The following IFI35 variants were observed in gnomAD, a reference collection of about 807,000 sequenced individuals.
IFI35 encodes interferon induced protein 35, also known as interferon-induced 35 kDa protein.
A neutral mutation model predicts 28.6 loss-of-function variants in IFI35; 30 were observed. That is an observed-to-expected ratio of 1.05 (90% CI 0.79 to 1.43). The LOEUF (loss-of-function observed/expected upper bound fraction) is 1.43, where lower values mean the gene tolerates loss of function less well. Among genes scored for constraint, IFI35 ranks in the 40% most tolerant of loss-of-function variants. The pLI is 0.00. For synonymous variants in IFI35, 146 were observed against 154.8 expected (o/e 0.94, Z 0.42); for missense variants, 372 against 356.9 (o/e 1.04, Z -0.34).
rs1410196492 is a variant in IFI35 at position 43,013,670 on chromosome 17, C to T, written c.562+8C>T. The T allele has an allele frequency of 1.2e-6, 2 of 1,613,438 alleles. No individual in the cohort carries two copies. The highest frequency in any genetic ancestry group is 1.7e-6 in the Non-Finnish European group (2 of 1,179,624). On this transcript the variant is annotated splice_region_variant and intron_variant, in intron 5 of 6. Transcript: ENST00000415816. Reference sequence around the variant, plus strand: ...GGTTTGCTAGGGATGGAGGTGAGGGCTATGCAGGCCTCCTGCAGGGGAGAG... The same window carrying T: ...GGTTTGCTAGGGATGGAGGTGAGGGTTATGCAGGCCTCCTGCAGGGGAGAG...
intron 1 of IFI35, among the ~76,000 whole-genome samples, chr17:43,011,180 T>C (rs979866395): frequency 6.6e-6 from 1 of 152,208 alleles, no homozygotes; most frequent in Non-Finnish European, 1.5e-5. Flanking sequence ...CAAATGACTT[T>C]GGGCAAGTCA....
chr17:43,013,555 T>G lies in IFI35; in HGVS notation c.455T>G (p.Leu152Arg), dbSNP rs779686162. The G allele has an allele frequency of 5.5e-5, 89 of 1,614,128 alleles. No individual in the cohort carries two copies. Among genetic ancestry groups the G allele is most frequent in the Non-Finnish European group, 7.4e-5 (87 of 1,180,010 alleles). The change falls in exon 5 of 7, where the codon CTG becomes CGG. Residue 152 changes from leucine to arginine, a missense_variant. Coordinates refer to ENST00000415816, the MANE Select transcript of IFI35 (RefSeq NM_001330230.2). ...ASLRLSEEEL[L>R]DKLEIFFGKT... ...CTCAGGCTGAGTGAGGAGGAGCTGCTGGACAAGCTAGAGATCTTCTTTGGC... is the reference window on the plus strand; with the variant it reads ...CTCAGGCTGAGTGAGGAGGAGCTGCGGGACAAGCTAGAGATCTTCTTTGGC...
rs1467352458 is a variant in IFI35 at position 43,014,190 on chromosome 17, T to C, written c.752T>C (p.Leu251Pro). 6.2e-7 allele frequency: 1 copy of C among 1,613,934 alleles called. No homozygotes were observed. Among genetic ancestry groups the C allele is most frequent in the Middle Eastern group, 1.7e-4 (1 of 6,054 alleles). ...ILDGPELHDV[L>P]EIHFQKPTRG... The stretch of plus-strand genomic sequence containing the variant: ...GATGGCCCGGAGCTGCATGACGTCC[T>C]GGAGATCCACTTCCAGAAGCCCACC... Residue 251 changes from leucine to proline, a missense_variant, in exon 7 of 7, where the codon CTG (leucine) becomes CCG (proline). By Grantham distance (98) the Leu-to-Pro change is moderately conservative. Transcript: ENST00000415816.
chr17:43,012,198 A>T lies in IFI35; in HGVS notation c.41A>T (p.Glu14Val), dbSNP rs1178978275. 6.4e-7 allele frequency: 1 copy of T among 1,573,288 alleles called. No individual in the cohort carries two copies. The highest frequency in any genetic ancestry group is 8.6e-7 in the Non-Finnish European group (1 of 1,159,068). ...CAACAGGCCCTCCACGCCCTTCAGG[A>T]GGAGCAGGCCAGACTCAAGATGAGG... ...PLDAALHALQ[E>V]EQARLKMRLW... Residue 14 changes from glutamate (E) to valine (V), a missense_variant, in exon 2 of 7, where the codon GAG becomes GTG. Transcript: ENST00000415816.
chr17:43,013,245 G>A (rs73983784), intron 3 of IFI35, 22 bp from the exon 4 acceptor site: 141,140 of 1,613,918 alleles, frequency 0.087, 7,312 homozygotes, highest in African/African-American at 0.21. Flanking sequence ...TCCCAGTACT[G>A]ACCCTGTTTC....
At chr17:43,008,824 G>A (rs1480097780) in intron 1 of IFI35, among the ~76,000 whole-genome samples, 1 of 150,756 alleles carries the variant, frequency 6.6e-6, no homozygotes, top group Non-Finnish European at 1.5e-5. Flanking sequence ...TGCCCAGCAT[G>A]GCTAATTTTT....
chr17:43,010,202 T>C (rs2050445442), intron 1 of IFI35, among the ~76,000 whole-genome samples: 1 of 151,190 alleles, frequency 6.6e-6, no homozygotes, highest in Non-Finnish European at 1.5e-5. Flanking sequence ...GCCACTGCAC[T>C]CCAGCCTGGG....
chr17:43,007,889 T>C (rs1227724327), intron 1 of IFI35, among the ~76,000 whole-genome samples: 1 of 126,618 alleles, frequency 7.9e-6, no homozygotes, highest in Non-Finnish European at 1.6e-5. Flanking sequence ...AGAATTATAC[T>C]TTAAGAATCA....
intron 1 of IFI35, among the ~76,000 whole-genome samples, chr17:43,009,415 T>C (rs1198013021): frequency 1.3e-5 from 2 of 152,036 alleles, no homozygotes; most frequent in African/African-American, 4.8e-5. Context: ...GGTGGGAAGT[T>C]TGAGACCAGC....
In IFI35 at chr17:43,013,632, A is replaced by G. The variant is rs2050487643; in HGVS notation, c.532A>G (p.Ser178Gly). The change falls in exon 5 of 7, where the codon AGT (serine) becomes GGT (glycine). Residue 178 changes from serine to glycine, a missense_variant. Transcript: ENST00000415816. The stretch of plus-strand genomic sequence containing the variant: ...GGACGTTCGGGAGCTACTGCCAGGG[A>G]GTGTCATGCTGGGGTTTGCTAGGGA... ...DVDVRELLPG[S>G]VMLGFARDGV... is the part of the protein sequence containing the mutation. 1 of 1,613,890 alleles carries G rather than the reference A, an allele frequency of 6.2e-7. No individual in the cohort carries two copies. The highest frequency in any genetic ancestry group is 8.5e-7 in the Non-Finnish European group (1 of 1,179,972).
In IFI35 at chr17:43,013,104, C is replaced by G. The variant is rs200866570; in HGVS notation, c.178C>G (p.Pro60Ala). The G allele has an allele frequency of 3.7e-6, 6 of 1,614,066 alleles. No individual in the cohort carries two copies. The Admixed American group carries it at 6.7e-5, about 18-fold the overall frequency. The change falls in exon 3 of 7, where the codon CCG (proline) becomes GCG (alanine). Residue 60 changes from proline to alanine, a missense_variant. Physicochemically the swap from Pro to Ala is conservative, Grantham distance 27. Transcript: ENST00000415816. ...LVFRGHTQQD[P>A]EVPKSLVSNL... Reference sequence around the variant, plus strand: ...ATTCCGAGGACACACCCAGCAGGACCCGGAAGTGCCTAAGTCTTTAGTTTC... The same window carrying G: ...ATTCCGAGGACACACCCAGCAGGACGCGGAAGTGCCTAAGTCTTTAGTTTC...
At chr17:43,011,939 G>A (rs1019937647) in intron 1 of IFI35, 5 of 310,454 alleles carry the variant, frequency 1.6e-5, no homozygotes, top group Admixed American at 4.8e-5. Flanking sequence ...CTGTGGTCAC[G>A]AACAAGTCAT....
Position 43,014,240 on chromosome 17 carries a change from C to G in IFI35, c.802C>G (p.Leu268Val), listed in dbSNP as rs775882822. The stretch of plus-strand genomic sequence containing the variant: ...CCGCGGGGGCGGGGAGGTAGAGGCC[C>G]TGACAGTCGTACCCCAAGGACAGCA... ...PTRGGGEVEALTVVPQGQQGL... is the reference protein window; with the variant it reads ...PTRGGGEVEAVTVVPQGQQGL... Residue 268 changes from leucine to valine, a missense_variant, in exon 7 of 7, where the codon CTG becomes GTG. By Grantham distance (32) the Leu-to-Val change is conservative. Transcript: ENST00000415816. The G allele has an allele frequency of 6.2e-7, 1 of 1,610,382 alleles. No individual in the cohort carries two copies. The highest frequency in any genetic ancestry group is 1.1e-5 in the South Asian group (1 of 90,568).
chr17:43,007,396 T>G (rs1055163752), intron 1 of IFI35, among the ~76,000 whole-genome samples: 1 of 151,636 alleles, frequency 6.6e-6, no homozygotes. Flanking sequence ...TCCCAGCTAC[T>G]TGGGAGGCTG....
At chr17:43,007,826 A>T (rs961554566) in intron 1 of IFI35, among the ~76,000 whole-genome samples, 8 of 99,676 alleles carry the variant, frequency 8.0e-5, no homozygotes, top group African/African-American at 1.7e-4. Flanking sequence ...ACTGTCTCTC[A>T]CACACACACA....
chr17:43,013,226 G>A, intron 3 of IFI35, 32 bp downstream of exon 3: 1 of 1,614,074 alleles, frequency 6.2e-7, no homozygotes, highest in Non-Finnish European at 8.5e-7. Flanking sequence ...GGAGGGAGGT[G>A]GGGAGGGTTC....
rs1023479713 is a variant in IFI35 at position 43,013,993 on chromosome 17, CCAT to C, written c.670-112_670-110del. The C allele has an allele frequency of 4.7e-6, 6 of 1,285,558 alleles. No homozygotes were observed. In the African/African-American group the frequency reaches 8.9e-5, roughly 19 times the overall value. 79.6% of individuals were successfully genotyped at this position (1,285,558 alleles called of 1,614,324 possible). On this transcript the variant is annotated intron_variant, in intron 6 of 6. Coordinates refer to ENST00000415816, the MANE Select transcript of IFI35 (RefSeq NM_001330230.2). ...CAAACCCCACTGACCTACCTACCCA[CCAT>C]CAGCCTCTCCAGGCCTCCCGACCTC... is the stretch of plus-strand genomic sequence containing the variant.
Position 43,006,819 on chromosome 17 carries a change from T to C in IFI35, c.-129T>C, listed in dbSNP as rs1223311918. 3.2e-6 allele frequency: 3 copies of C among 926,566 alleles called. No homozygotes were observed. In the Admixed American group the frequency reaches 5.2e-5, roughly 16 times the overall value. 57.4% of individuals were successfully genotyped at this position (926,566 alleles called of 1,614,324 possible). Reference sequence around the variant, plus strand: ...GCGAGCAGAGCCTCCTGAGGTGTATTTCGGGTCTTGCTGGGGCTGAGAGAG... The same window carrying C: ...GCGAGCAGAGCCTCCTGAGGTGTATCTCGGGTCTTGCTGGGGCTGAGAGAG... On this transcript the variant is annotated 5_prime_UTR_variant, in exon 1 of 7. Transcript: ENST00000415816.
chr17:43,007,785 C>T (rs1278041342), intron 1 of IFI35, among the ~76,000 whole-genome samples: 1 of 147,734 alleles, frequency 6.8e-6, no homozygotes, highest in Non-Finnish European at 1.5e-5. Context: ...GAGATTGTAC[C>T]ACTATGCTCC....
Sources: allele counts gnomAD v4.1 joint callset (sites outside exome capture counted in the v4.1 genomes callset), GRCh38; gene constraint gnomAD v4.1.1; transcripts MANE v1.5; gene names NCBI Gene and HGNC (gene_info 2026-07-23, HGNC 2026-07-21).